SUGCT: variants seen among roughly 807,000 people sequenced by gnomAD.
The protein encoded by SUGCT is succinyl-CoA:glutarate-CoA transferase.
In SUGCT, 41 loss-of-function variants were observed where a neutral mutation model predicts 55.0. That is an observed-to-expected ratio of 0.74 (90% CI 0.58 to 0.97). The LOEUF (loss-of-function observed/expected upper bound fraction) is 0.97, where lower values mean the gene tolerates loss of function less well. Ranked by LOEUF, SUGCT falls within the 50% of genes least tolerant of loss-of-function variation. SUGCT has a pLI of 0.00. For missense variants in SUGCT, 568 were observed against 547.8 expected (o/e 1.04, Z -0.37); for synonymous variants, 187 against 200.4 (o/e 0.93, Z 0.56).
chr7:40,847,812 A>G (rs28621645), intron 13 of SUGCT, among the ~76,000 whole-genome samples: 33,118 of 152,052 alleles, frequency 0.22, 4,760 homozygotes, highest in East Asian at 0.8. Flanking sequence ...GGAAACTAGT[A>G]TAAAGGAAAG....
At chr7:40,513,595 C>G (rs981330889) in intron 12 of SUGCT, among the ~76,000 whole-genome samples, 1 of 152,066 alleles carries the variant, frequency 6.6e-6, no homozygotes, top group African/African-American at 2.4e-5. Flanking sequence ...TGTACAGGAG[C>G]AAACACAGTA....
chr7:40,493,117 G>A lies in SUGCT; in HGVS notation c.987-3167G>A, dbSNP rs141113766. On this transcript the variant is annotated intron_variant, in intron 11 of 13. Transcript: ENST00000335693. ...AAATATGTGAAGCTATGCATTCTGA[G>A]TGTATTCTGCTACAGTCATTATGTG... 5.4e-3 allele frequency among the ~76,000 whole-genome samples: 816 copies of A among 152,280 alleles called. 12 individuals are homozygous for A. Among genetic ancestry groups the A allele is most frequent in the African/African-American group, 0.018 (761 of 41,554 alleles).
intron 12 of SUGCT, among the ~76,000 whole-genome samples, chr7:40,597,944 T>C (rs900276429): frequency 2.0e-5 from 3 of 152,078 alleles, no homozygotes; most frequent in Non-Finnish European, 4.4e-5. Context: ...CCTCCTCTAT[T>C]AGTTTCTCCG....
At chr7:40,332,862 G>T (rs1357168267) in intron 9 of SUGCT, among the ~76,000 whole-genome samples, 1 of 152,148 alleles carries the variant, frequency 6.6e-6, no homozygotes, top group Non-Finnish European at 1.5e-5. Flanking sequence ...CCTTGCTAGG[G>T]TTATGGTGTC....
chr7:40,220,637 G>A (rs1382790251), intron 6 of SUGCT, among the ~76,000 whole-genome samples: 2 of 152,286 alleles, frequency 1.3e-5, no homozygotes, highest in Non-Finnish European at 1.5e-5. Context: ...AGTTTCTCAT[G>A]TAAAAGTGGG....
downstream of SUGCT, among the ~76,000 whole-genome samples, chr7:40,861,818 A>G (rs572220595): frequency 6.6e-6 from 1 of 152,274 alleles, no homozygotes; most frequent in East Asian, 1.9e-4. Flanking sequence ...CTTTTTGTGG[A>G]CATCTTATTC....
At chr7:40,918,879 A>G in the SUGCT span, among the ~76,000 whole-genome samples, 1 of 152,238 alleles carries the variant, frequency 6.6e-6, no homozygotes, top group Non-Finnish European at 1.5e-5. Context: ...ACTGTTTTAT[A>G]CAAATATGCT....
intron 13 of SUGCT, among the ~76,000 whole-genome samples, chr7:40,789,617 A>T (rs1790206095): frequency 6.6e-6 from 1 of 152,148 alleles, no homozygotes; most frequent in Non-Finnish European, 1.5e-5. Context: ...TCTTGATTTC[A>T]GTTCTTTTGG....
At chr7:40,834,101 A>C (rs1004850000) in intron 13 of SUGCT, among the ~76,000 whole-genome samples, 1 of 152,110 alleles carries the variant, frequency 6.6e-6, no homozygotes, top group Non-Finnish European at 1.5e-5. Context: ...TGCTTTTTTA[A>C]CTTTCTGGGA....
At chr7:40,297,231 G>A (rs1298476143) in intron 8 of SUGCT, among the ~76,000 whole-genome samples, 1 of 152,010 alleles carries the variant, frequency 6.6e-6, no homozygotes, top group Non-Finnish European at 1.5e-5. Flanking sequence ...CCCATTGGTT[G>A]CAGCAAAGCC....
At position 40,550,289 on chromosome 7, in the gene SUGCT, T is replaced by C. The variant is rs75170940; in HGVS notation, c.1089+53903T>C. On this transcript the variant is annotated intron_variant, in intron 12 of 13. Coordinates refer to ENST00000335693, the MANE Select transcript of SUGCT (RefSeq NM_001193313.2). ...GCCTTCTCCTCTGCTATTGGTTGTA[T>C]CTCTTCGTATAGGGAAGGACTATTT... Among the ~76,000 whole-genome samples, 313 of 152,356 alleles carry C rather than the reference T, an allele frequency of 2.1e-3. 1 individual carries two copies. The highest frequency in any genetic ancestry group is 7.3e-3 in the African/African-American group (303 of 41,584).
intron 13 of SUGCT, among the ~76,000 whole-genome samples, chr7:40,838,098 T>C (rs2128785728): frequency 6.6e-6 from 1 of 152,344 alleles, no homozygotes; most frequent in Non-Finnish European, 1.5e-5. Context: ...CTATTTCTGT[T>C]CCATTGACTG....
rs1785180665 is a variant in SUGCT at position 40,701,765 on chromosome 7, C to T, written c.1090-47669C>T. On this transcript the variant is annotated intron_variant, in intron 12 of 13. Transcript: ENST00000335693. The stretch of plus-strand genomic sequence containing the variant: ...TGCCATCCCCAATTGCTAAACTTCA[C>T]TGGAAAGCTCTGTGAAGTAGGTACG... 2.6e-5 allele frequency among the ~76,000 whole-genome samples: 4 copies of T among 152,184 alleles called. No homozygotes were observed. In the South Asian group the frequency reaches 8.3e-4, roughly 32 times the overall value.
intron 9 of SUGCT, among the ~76,000 whole-genome samples, chr7:40,414,395 A>G (rs1786854340): frequency 6.6e-6 from 1 of 152,166 alleles, no homozygotes; most frequent in South Asian, 2.1e-4. Context: ...TTCAGGTCAA[A>G]TAAACATAGT....
chr7:40,637,090 A>C (rs1800052894), intron 12 of SUGCT, among the ~76,000 whole-genome samples: 1 of 152,196 alleles, frequency 6.6e-6, no homozygotes, highest in African/African-American at 2.4e-5. Context: ...ATATGCGGGG[A>C]TGACTGATGA....
chr7:40,888,337 A>G, the SUGCT span, among the ~76,000 whole-genome samples: 7 of 151,964 alleles, frequency 4.6e-5, no homozygotes, highest in African/African-American at 1.7e-4. Flanking sequence ...CACAAAAGGT[A>G]GAGATAGGGA....
At chr7:40,994,820 C>T in the SUGCT span, among the ~76,000 whole-genome samples, 1 of 152,070 alleles carries the variant, frequency 6.6e-6, no homozygotes, top group Non-Finnish European at 1.5e-5. Flanking sequence ...GAGTTCACGC[C>T]AGATCTGGTT....
intron 1 of SUGCT, among the ~76,000 whole-genome samples, chr7:40,149,580 C>T (rs573403764): frequency 6.6e-6 from 1 of 152,162 alleles, no homozygotes; most frequent in East Asian, 1.9e-4. Flanking sequence ...GCCAGGATTT[C>T]GAGACCAACC....
chr7:40,670,065 C>G (rs1801855735), intron 12 of SUGCT, among the ~76,000 whole-genome samples: 1 of 149,774 alleles, frequency 6.7e-6, no homozygotes, highest in Non-Finnish European at 1.5e-5. Flanking sequence ...AACACCTTTC[C>G]TACAGAGGAA....
Sources: allele counts gnomAD v4.1 joint callset (sites outside exome capture counted in the v4.1 genomes callset), GRCh38; gene constraint gnomAD v4.1.1; transcripts MANE v1.5; gene names NCBI Gene and HGNC (gene_info 2026-07-23, HGNC 2026-07-21).